Variants in VPS8 observed in about 807,000 individuals in gnomAD.
VPS8 encodes VPS8 subunit of CORVET complex, also known as vacuolar protein sorting-associated protein 8 homolog.
A neutral mutation model predicts 216.4 loss-of-function variants in VPS8; 129 were observed. The observed-to-expected ratio is 0.60, with a 90% CI of 0.52 to 0.69. The LOEUF (loss-of-function observed/expected upper bound fraction) is 0.69. Ranked by LOEUF, VPS8 falls within the 30% of genes least tolerant of loss-of-function variation. VPS8 has a pLI of 0.00. For missense variants in VPS8, 1,531 were observed against 1,683.5 expected (o/e 0.91, Z 1.59); for synonymous variants, 571 against 565.4 (o/e 1.01, Z -0.14).
chr3:184,967,551 G>T (rs1747624300), intron 39 of VPS8, among the ~76,000 whole-genome samples: 1 of 151,964 alleles, frequency 6.6e-6, no homozygotes, highest in African/African-American at 2.4e-5. Context: ...TTAATAAATT[G>T]TGGTGGCCAG....
chr3:184,868,250 A>G (rs574308002), intron 18 of VPS8, 191 bp downstream of exon 18: 3 of 557,952 alleles, frequency 5.4e-6, no homozygotes, highest in African/African-American at 3.8e-5. Context: ...GTTTGTCTAC[A>G]TATATTAGAA....
rs1049618161 is a variant in VPS8, at chr3:184,841,208, G to C, written c.535+1456G>C. Among the ~76,000 whole-genome samples the C allele has an allele frequency of 2.0e-5, 3 of 152,030 alleles. No individual in the cohort carries two copies. In the East Asian group the frequency reaches 5.8e-4, roughly 29 times the overall value. On this transcript the variant is annotated intron_variant, in intron 7 of 47. Coordinates refer to ENST00000625842, the MANE Select transcript of VPS8 (RefSeq NM_001009921.3). ...AGTAGAAAATATAGAAAATATAGAT[G>C]AGCAAAAAGTTGAAGATATACCAAA...
intron 26 of VPS8, 22 bp downstream of exon 26, chr3:184,913,583 A>G: frequency 1.3e-6 from 2 of 1,532,402 alleles, no homozygotes; most frequent in East Asian, 2.3e-5. Flanking sequence ...TTATTTATTC[A>G]TCTGCATGTA....
chr3:184,971,586 C>G (rs1055070904), intron 39 of VPS8, 63 bp from the exon 40 acceptor site: 3 of 1,301,602 alleles, frequency 2.3e-6, no homozygotes, highest in Non-Finnish European at 3.2e-6. Context: ...TAACTTTTCA[C>G]AGAGGCTCTG....
chr3:184,969,584 C>T (rs1748046608), intron 39 of VPS8, among the ~76,000 whole-genome samples: 1 of 151,372 alleles, frequency 6.6e-6, no homozygotes, highest in Admixed American at 6.6e-5. Context: ...CATGTGCCAC[C>T]ACTCCCAGCT....
chr3:184,853,100 A>T (rs570739256), intron 11 of VPS8, among the ~76,000 whole-genome samples: 1 of 152,300 alleles, frequency 6.6e-6, no homozygotes, highest in East Asian at 1.9e-4. Flanking sequence ...AGCTTCTAAC[A>T]ATGCTAAGTA....
chr3:184,964,953 G>A (rs1308308639), intron 38 of VPS8, among the ~76,000 whole-genome samples: 2 of 152,206 alleles, frequency 1.3e-5, no homozygotes, highest in Non-Finnish European at 2.9e-5. Context: ...TATATACCCA[G>A]AAGTAGAATT....
At chr3:184,843,327 A>G in intron 8 of VPS8, 82 bp downstream of exon 8, 6 of 1,062,512 alleles carry the variant, frequency 5.6e-6, no homozygotes, top group Non-Finnish European at 7.5e-6. Flanking sequence ...AATTATAGTC[A>G]ATGTCCTCTT....
chr3:184,861,455 C>T (rs1441013992), intron 15 of VPS8, among the ~76,000 whole-genome samples: 2 of 152,282 alleles, frequency 1.3e-5, no homozygotes, highest in East Asian at 1.9e-4. Flanking sequence ...ATTTTTAACT[C>T]GCAGACAGTT....
chr3:184,992,898 CTA>C (rs1436895503), intron 42 of VPS8, among the ~76,000 whole-genome samples: 2 of 151,978 alleles, frequency 1.3e-5, no homozygotes, highest in African/African-American at 4.8e-5. Context: ...CCCTTTGAGT[CTA>C]TAGTTTTCTG....
In VPS8 at chr3:184,957,481, T is replaced by C. The variant is rs745967484; in HGVS notation, c.3143T>C (p.Leu1048Pro). Residue 1048 changes from leucine (L) to proline (P), a missense_variant, in exon 37 of 48, where the codon CTG (leucine) becomes CCG (proline). By Grantham distance (98) the Leu-to-Pro change is moderately conservative. Around this residue, in one of 3 missense-constraint regions of VPS8, gnomAD observed 1,318 missense variants for 1,468.4 expected, o/e 0.90. Coordinates refer to ENST00000625842, the MANE Select transcript of VPS8 (RefSeq NM_001009921.3). The stretch of plus-strand genomic sequence containing the variant: ...AACCCAACCCAAGTTATAGAGACTC[T>C]GCAAGTCCTTGAGTGCTACCGTCTG... ...QFNPTQVIET[L>P]QVLECYRLEE... The C allele has an allele frequency of 3.1e-6, 5 of 1,612,234 alleles. No individual in the cohort carries two copies. The highest frequency in any genetic ancestry group is 1.3e-5 in the African/African-American group (1 of 74,916).
In VPS8 at chr3:184,999,771, G is replaced by T. The variant is rs779201806; in HGVS notation, c.3912G>T (p.Trp1304Cys). ...TGGAATTTGAGGGCCAAACAAGATG[G>T]ACATGCTACAAATGCAGTTCAAGTA... ...CTVEFEGQTR[W>C]TCYKCSSSNK... The change falls in exon 45 of 48, where the codon TGG becomes TGT. Residue 1304 changes from tryptophan (W) to cysteine (C), a missense_variant. Around this residue, in one of 3 missense-constraint regions of VPS8, gnomAD observed 1,318 missense variants for 1,468.4 expected, o/e 0.90. Coordinates refer to ENST00000625842, the MANE Select transcript of VPS8 (RefSeq NM_001009921.3). The T allele has an allele frequency of 1.5e-4, 248 of 1,613,032 alleles. No individual in the cohort carries two copies. Among genetic ancestry groups the T allele is most frequent in the South Asian group, 2.9e-4 (26 of 90,776 alleles).
chr3:184,904,840 T>C lies in VPS8; in HGVS notation c.2146+3868T>C, dbSNP rs560252807. Among the ~76,000 whole-genome samples, 8 of 152,326 alleles carry C rather than the reference T, an allele frequency of 5.3e-5. No homozygotes were observed. The South Asian group carries it at 1.7e-3, about 32-fold the overall frequency. On this transcript the variant is annotated intron_variant, in intron 25 of 47. Coordinates refer to ENST00000625842, the MANE Select transcript of VPS8 (RefSeq NM_001009921.3). ...AGCCATATGGGCCTGGGCTTTTCTT[T>C]ATTGGAAGTTTTAAAATTATTAGTT...
chr3:185,041,957 G>A (rs1711742421), intron 46 of VPS8, among the ~76,000 whole-genome samples: 1 of 152,184 alleles, frequency 6.6e-6, no homozygotes, highest in African/African-American at 2.4e-5. Flanking sequence ...GGAAGGAGGA[G>A]GAGATGAATG....
chr3:184,903,031 T>G (rs1734851038), intron 25 of VPS8, among the ~76,000 whole-genome samples: 1 of 152,182 alleles, frequency 6.6e-6, no homozygotes, highest in Non-Finnish European at 1.5e-5. Flanking sequence ...TCTTACCATT[T>G]ATTGGTAAGA....
At chr3:184,865,327 C>T (rs571248013) in intron 16 of VPS8, among the ~76,000 whole-genome samples, 2 of 151,978 alleles carry the variant, frequency 1.3e-5, no homozygotes, top group Admixed American at 6.6e-5. Flanking sequence ...AAACTGTATA[C>T]GAATTGATCA....
intron 47 of VPS8, among the ~76,000 whole-genome samples, chr3:185,050,250 C>T (rs1019184407): frequency 2.5e-4 from 38 of 151,736 alleles, no homozygotes; most frequent in African/African-American, 8.5e-4. Flanking sequence ...CAGAGAACGT[C>T]GCAGGCTGAT....
At chr3:184,885,955 A>G (rs1357182281) in intron 21 of VPS8, 155 bp from the exon 22 acceptor site, 3 of 669,868 alleles carry the variant, frequency 4.5e-6, no homozygotes, top group Non-Finnish European at 7.5e-6. Context: ...TCTGTTTTTC[A>G]GACTTTGACA....
intron 1 of VPS8, among the ~76,000 whole-genome samples, chr3:184,821,041 A>C (rs1225300513): frequency 6.6e-6 from 1 of 152,200 alleles, no homozygotes; most frequent in African/African-American, 2.4e-5. Context: ...TAGAATCTTT[A>C]ACTTTAGAAA....
Sources: gnomAD v4.1 joint callset for allele counts (sites outside exome capture counted in the v4.1 genomes callset) on GRCh38, gnomAD v4.1.1 for gene constraint, gnomAD v4.1.1 regional missense constraint, MANE v1.5 for transcripts, NCBI Gene and HGNC (gene_info 2026-07-23, HGNC 2026-07-21) for gene names.